RAB11FIP4: variants seen among roughly 807,000 people sequenced by gnomAD.
RAB11FIP4 encodes the protein rab11 family-interacting protein 4.
A neutral mutation model predicts 74.3 loss-of-function variants in RAB11FIP4; 23 were observed. The observed-to-expected ratio is 0.31, with a 90% CI of 0.22 to 0.44. The LOEUF is 0.44. Among genes scored for constraint, RAB11FIP4 ranks in the 20% least tolerant of loss-of-function variants. The pLI, the probability that RAB11FIP4 is intolerant of heterozygous loss-of-function variation, is 1.00. For synonymous variants in RAB11FIP4, 360 were observed against 359.9 expected (o/e 1.00, Z 0.00); for missense variants, 630 against 863.9 (o/e 0.73, Z 3.39).
intron 3 of RAB11FIP4, among the ~76,000 whole-genome samples, chr17:31,497,004 C>G (rs960308309): frequency 3.0e-4 from 45 of 152,210 alleles, no homozygotes; most frequent in African/African-American, 1.1e-3. Context: ...GTGGCTGATG[C>G]ACAGAAATAC....
chr17:31,423,780 T>C (rs891204860), intron 1 of RAB11FIP4, among the ~76,000 whole-genome samples: 7 of 152,284 alleles, frequency 4.6e-5, no homozygotes, highest in African/African-American at 1.7e-4. Flanking sequence ...GGACCTCAAA[T>C]ACAACAACTT....
rs759900859 is a variant in RAB11FIP4, at chr17:31,434,074, C to T, written c.288C>T (p.Ser96=). 1.6e-5 allele frequency: 25 copies of T among 1,587,032 alleles called. No individual in the cohort carries two copies. Among genetic ancestry groups the T allele is most frequent in the Middle Eastern group, 3.3e-4 (2 of 6,062 alleles). The change falls in exon 3 of 15, where the codon AGC becomes AGT. Residue 96 remains serine, a synonymous_variant. Coordinates refer to ENST00000621161, the MANE Select transcript of RAB11FIP4 (RefSeq NM_032932.6). ...TGAAGGATGTGCTGTCGGTGGAGAGCGCGGGGACGCTGCCGTGCGCGCCAG... is the reference window on the plus strand; with the variant it reads ...TGAAGGATGTGCTGTCGGTGGAGAGTGCGGGGACGCTGCCGTGCGCGCCAG... ...ELLKDVLSVE[S]AGTLPCAPEI... is the part of the protein sequence containing the mutation.
At chr17:31,407,039 G>GTTTTTT (rs2071048730) in intron 1 of RAB11FIP4, among the ~76,000 whole-genome samples, 1 of 62,786 alleles carries the variant, frequency 1.6e-5, no homozygotes, top group Non-Finnish European at 3.4e-5. Flanking sequence ...TGTTTCACTT[G>GTTTTTT]ATTTTTTTTT....
At chr17:31,507,908 C>G (rs2072382557) in intron 3 of RAB11FIP4, among the ~76,000 whole-genome samples, 1 of 152,176 alleles carries the variant, frequency 6.6e-6, no homozygotes, top group Admixed American at 6.5e-5. Context: ...ACCATCACAG[C>G]CTCGACTTCC....
chr17:31,509,963 A>G (rs1442974604), intron 3 of RAB11FIP4, among the ~76,000 whole-genome samples: 1 of 152,152 alleles, frequency 6.6e-6, no homozygotes, highest in Non-Finnish European at 1.5e-5. Flanking sequence ...CTTATCAGCA[A>G]CTGATAAGTA....
At chr17:31,458,463 C>T (rs1223037408) in intron 3 of RAB11FIP4, among the ~76,000 whole-genome samples, 1 of 152,184 alleles carries the variant, frequency 6.6e-6, no homozygotes, top group East Asian at 1.9e-4. Flanking sequence ...ATGGCTCTGA[C>T]CTGGATATAG....
chr17:31,531,596 G>T lies in RAB11FIP4; in HGVS notation c.1798-20G>T, dbSNP rs773740221. 33 of 1,567,412 alleles carry T rather than the reference G, an allele frequency of 2.1e-5. No individual in the cohort carries two copies. The South Asian group carries it at 3.3e-4, about 16-fold the overall frequency. On this transcript the variant is annotated intron_variant, in intron 14 of 14. Coordinates refer to ENST00000621161, the MANE Select transcript of RAB11FIP4 (RefSeq NM_032932.6). Reference sequence around the variant, plus strand: ...CTATCCCAGGCCCAGCCACTGACCCGTCTTTCCCATTTCCTTCAGCTAATG... The same window carrying T: ...CTATCCCAGGCCCAGCCACTGACCCTTCTTTCCCATTTCCTTCAGCTAATG...
intron 3 of RAB11FIP4, among the ~76,000 whole-genome samples, chr17:31,445,539 T>C (rs1446738312): frequency 0.027 from 299 of 11,088 alleles, 4 homozygotes; most frequent in African/African-American, 0.1. Context: ...ATTTTATATA[T>C]ATATATATAT....
intron 3 of RAB11FIP4, among the ~76,000 whole-genome samples, chr17:31,484,542 GAATCCTAGCCTGTGTTAGAGCCCTCA>G (rs1328842108): frequency 6.6e-6 from 1 of 152,042 alleles, no homozygotes; most frequent in African/African-American, 2.4e-5. Flanking sequence ...CAAGGACACT[GAATCCTAGCCTGTGTTAGAGCCCTCA>G]GATCCCATAT....
At chr17:31,448,310 C>G (rs540046861) in intron 3 of RAB11FIP4, 8 of 151,802 alleles carry the variant, frequency 5.3e-5, no homozygotes, top group African/African-American at 1.9e-4. Flanking sequence ...ACTGCAGCCT[C>G]AACCTCCCAG....
At chr17:31,431,508 C>T (rs543089899) in intron 1 of RAB11FIP4, 63 of 290,954 alleles carry the variant, frequency 2.2e-4, no homozygotes, top group African/African-American at 1.2e-3. Context: ...TTTAAAACAT[C>T]GGCAGAGCCT....
At chr17:31,466,777 C>T (rs1054028298) in intron 3 of RAB11FIP4, among the ~76,000 whole-genome samples, 4 of 152,194 alleles carry the variant, frequency 2.6e-5, no homozygotes, top group African/African-American at 9.7e-5. Context: ...TCTATGGAAA[C>T]CAGGTGGCCA....
rs530790679 is a variant in RAB11FIP4, at chr17:31,413,591, A to G, written c.160-18222A>G. Among the ~76,000 whole-genome samples the G allele has an allele frequency of 2.7e-4, 41 of 150,680 alleles. No individual in the cohort carries two copies. The South Asian group carries it at 8.4e-3, about 31-fold the overall frequency. On this transcript the variant is annotated intron_variant, in intron 1 of 14. Coordinates refer to ENST00000621161, the MANE Select transcript of RAB11FIP4 (RefSeq NM_032932.6). The stretch of plus-strand genomic sequence containing the variant: ...TCCCTCCTCCCTCCCTTTTGCTCAC[A>G]CCAACGCCCCGCTTCTTGAATTCCC...
In RAB11FIP4 at chr17:31,509,871, C is replaced by T. The variant is rs192606991; in HGVS notation, c.337-7780C>T. Among the ~76,000 whole-genome samples, 115 of 152,266 alleles carry T rather than the reference C, an allele frequency of 7.6e-4. 1 individual carries two copies. The highest frequency in any genetic ancestry group is 2.6e-3 in the African/African-American group (110 of 41,550). On this transcript the variant is annotated intron_variant, in intron 3 of 14. Transcript: ENST00000621161. ...TTCAGAAGGCAAGGCCGAGGCACTG[C>T]CTCTGGGTGGATGCTTGAACCCCCT... is the stretch of plus-strand genomic sequence containing the variant.
Position 31,523,863 on chromosome 17 carries a change from TCTC to T in RAB11FIP4, c.1030-28_1030-26del, listed in dbSNP as rs766500304. The T allele has an allele frequency of 6.5e-6, 10 of 1,549,892 alleles. No homozygotes were observed. In the South Asian group the frequency reaches 8.0e-5, roughly 12 times the overall value. On this transcript the variant is annotated intron_variant, in intron 8 of 14. Transcript: ENST00000621161. ...CTCGGTTCTGTGGCCTCAGAGGTCTTCTCCACCCCACCCCGGCCCCCTGCTGCA... is the reference window on the plus strand; with the variant it reads ...CTCGGTTCTGTGGCCTCAGAGGTCTTCACCCCACCCCGGCCCCCTGCTGCA...
chr17:31,472,849 A>G (rs1597937753), intron 3 of RAB11FIP4, among the ~76,000 whole-genome samples: 2 of 152,048 alleles, frequency 1.3e-5, no homozygotes, highest in Admixed American at 6.5e-5. Context: ...CCTGGCCAAC[A>G]TGGTGAAACC....
intron 3 of RAB11FIP4, among the ~76,000 whole-genome samples, chr17:31,517,169 G>A (rs934391965): frequency 7.1e-6 from 1 of 140,724 alleles, no homozygotes; most frequent in Non-Finnish European, 1.5e-5. Context: ...GGCAGAAAAG[G>A]TTGGGGGGCG....
intron 3 of RAB11FIP4, among the ~76,000 whole-genome samples, chr17:31,511,330 G>A (rs998578298): frequency 2.0e-5 from 3 of 152,204 alleles, no homozygotes; most frequent in African/African-American, 7.2e-5. Context: ...CCCTGTGGCA[G>A]CCTGCCAGGC....
intron 10 of RAB11FIP4, chr17:31,526,978 A>T (rs1362160921): frequency 6.6e-6 from 1 of 152,238 alleles, no homozygotes; most frequent in Non-Finnish European, 1.5e-5. Context: ...TTCTTGTGGA[A>T]TCCCTTTAGG....
Sources: gnomAD v4.1 joint callset for allele counts (sites outside exome capture counted in the v4.1 genomes callset) on GRCh38, gnomAD v4.1.1 for gene constraint, MANE v1.5 for transcripts, NCBI Gene and HGNC (gene_info 2026-07-23, HGNC 2026-07-21) for gene names.